Variants in ITPR2 observed in about 807,000 individuals in gnomAD.
The protein encoded by ITPR2 is inositol 1,4,5-trisphosphate-gated calcium channel ITPR2.
In ITPR2, 207 loss-of-function variants were observed where a neutral mutation model predicts 317.1. That is an observed-to-expected ratio of 0.65 (90% CI 0.58 to 0.73). The LOEUF is 0.73. Ranked by LOEUF, ITPR2 falls within the 30% of genes least tolerant of loss-of-function variation. The probability of loss-of-function intolerance (pLI) is 0.00; values close to 1 mark genes in which losing one functional copy is unlikely to be tolerated. For synonymous variants in ITPR2, 1,156 were observed against 1,149.1 expected, an observed-to-expected ratio of 1.01 and a Z score of -0.12; for missense variants, 2,613 against 3,284.0, an observed-to-expected ratio of 0.80 and a Z score of 4.99.
intron 1 of ITPR2, among the ~76,000 whole-genome samples, chr12:26,826,086 A>G (rs1194592575): frequency 1.3e-5 from 2 of 152,172 alleles, no homozygotes; most frequent in African/African-American, 4.8e-5. Context: ...AGCTTCATGT[A>G]CAAACTCCCC....
At chr12:26,547,414 T>C (rs537099259) in intron 37 of ITPR2, among the ~76,000 whole-genome samples, 1 of 152,290 alleles carries the variant, frequency 6.6e-6, no homozygotes, top group Admixed American at 6.5e-5. Context: ...CAGACGTTGA[T>C]GAGGATGTGG....
intron 13 of ITPR2, among the ~76,000 whole-genome samples, chr12:26,678,359 G>C (rs980347700): frequency 6.6e-6 from 1 of 151,750 alleles, no homozygotes; most frequent in African/African-American, 2.4e-5. Flanking sequence ...CATAACACAG[G>C]AACTGTACTT....
intron 36 of ITPR2, among the ~76,000 whole-genome samples, chr12:26,555,211 G>A (rs1291336176): frequency 6.6e-6 from 1 of 152,172 alleles, no homozygotes; most frequent in Non-Finnish European, 1.5e-5. Flanking sequence ...AGCTTAAATG[G>A]TGAAAGAAAG....
intron 37 of ITPR2, among the ~76,000 whole-genome samples, chr12:26,521,042 A>G (rs1943648161): frequency 6.6e-6 from 1 of 152,214 alleles, no homozygotes; most frequent in Non-Finnish European, 1.5e-5. Context: ...AAAGTACATT[A>G]AAGACTCAGA....
At chr12:26,741,239 G>A (rs1477928110) in intron 2 of ITPR2, among the ~76,000 whole-genome samples, 1 of 152,258 alleles carries the variant, frequency 6.6e-6, no homozygotes, top group Non-Finnish European at 1.5e-5. Flanking sequence ...TCCAGGCCTG[G>A]GAGGGCCCAG....
At chr12:26,651,344 T>C (rs1258445496) in intron 21 of ITPR2, among the ~76,000 whole-genome samples, 1 of 151,174 alleles carries the variant, frequency 6.6e-6, no homozygotes, top group Non-Finnish European at 1.5e-5. Flanking sequence ...GTGTCACCTA[T>C]TTGATTTTCC....
chr12:26,362,628 G>A (rs886390487), intron 55 of ITPR2, among the ~76,000 whole-genome samples: 1 of 152,030 alleles, frequency 6.6e-6, no homozygotes, highest in African/African-American at 2.4e-5. Flanking sequence ...AGTACTGCTG[G>A]GACTCCTTTA....
chr12:26,667,248 A>G (rs1368168978), intron 13 of ITPR2, among the ~76,000 whole-genome samples: 1 of 152,230 alleles, frequency 6.6e-6, no homozygotes, highest in Admixed American at 6.5e-5. Flanking sequence ...TTTGGTAAGA[A>G]AACATCCTGA....
chr12:26,719,357 A>G (rs561065119), intron 5 of ITPR2, among the ~76,000 whole-genome samples: 1 of 152,342 alleles, frequency 6.6e-6, no homozygotes, highest in South Asian at 2.1e-4. Flanking sequence ...GCCACATCCT[A>G]GGATAAGCCA....
intron 35 of ITPR2, among the ~76,000 whole-genome samples, chr12:26,560,912 C>G (rs1282886624): frequency 1.3e-5 from 2 of 152,112 alleles, no homozygotes; most frequent in Non-Finnish European, 2.9e-5. Flanking sequence ...CAACTCCATG[C>G]AATATTCTAC....
intron 24 of ITPR2, 105 bp downstream of exon 24, chr12:26,624,194 G>T: frequency 2.6e-6 from 2 of 755,042 alleles, no homozygotes; most frequent in East Asian, 2.8e-5. Context: ...ACAATAGAGG[G>T]TCTAAAAATA....
At chr12:26,479,830 T>C (rs1942505683) in intron 43 of ITPR2, among the ~76,000 whole-genome samples, 1 of 152,130 alleles carries the variant, frequency 6.6e-6, no homozygotes, top group Non-Finnish European at 1.5e-5. Context: ...TCCCAGCTTA[T>C]CAGGAGGCAG....
chr12:26,694,540 A>G (rs1269764248), intron 10 of ITPR2, among the ~76,000 whole-genome samples: 1 of 152,180 alleles, frequency 6.6e-6, no homozygotes, highest in Non-Finnish European at 1.5e-5. Context: ...TTCTCACTGC[A>G]TAAGTAATAA....
At chr12:26,763,607 G>T (rs1328876684) in intron 2 of ITPR2, among the ~76,000 whole-genome samples, 1 of 152,112 alleles carries the variant, frequency 6.6e-6, no homozygotes, top group Non-Finnish European at 1.5e-5. Context: ...AGAGGCACTT[G>T]TGTAATTTTT....
At chr12:26,442,620 G>A (rs1941512150) in intron 46 of ITPR2, among the ~76,000 whole-genome samples, 2 of 152,086 alleles carry the variant, frequency 1.3e-5, no homozygotes, top group African/African-American at 4.8e-5. Context: ...GTATAGAAAT[G>A]TTTTTGCTGC....
At chr12:26,443,262 C>T (rs922774579) in intron 46 of ITPR2, among the ~76,000 whole-genome samples, 1 of 152,102 alleles carries the variant, frequency 6.6e-6, no homozygotes, top group Non-Finnish European at 1.5e-5. Context: ...CTCTCAAACG[C>T]TATTGCTCTG....
chr12:26,794,789 A>G (rs966850639), intron 1 of ITPR2, among the ~76,000 whole-genome samples: 1 of 152,240 alleles, frequency 6.6e-6, no homozygotes, highest in Non-Finnish European at 1.5e-5. Flanking sequence ...AGAGAGATCA[A>G]ATGATATGGT....
intron 29 of ITPR2, 61 bp from the exon 30 acceptor site, chr12:26,599,406 CT>C: frequency 7.0e-7 from 1 of 1,423,234 alleles, no homozygotes; most frequent in Non-Finnish European, 9.9e-7. Flanking sequence ...TTCTACAGTA[CT>C]TAGACTAATT....
At chr12:26,378,303 G>A (rs1280754970) in intron 55 of ITPR2, among the ~76,000 whole-genome samples, 2 of 151,700 alleles carry the variant, frequency 1.3e-5, no homozygotes, top group Non-Finnish European at 2.9e-5. Context: ...GACCATGACT[G>A]CAAAGAGCCA....
Sources: gnomAD v4.1 joint callset for allele counts (sites outside exome capture counted in the v4.1 genomes callset) on GRCh38, gnomAD v4.1.1 for gene constraint, MANE v1.5 for transcripts, NCBI Gene and HGNC (gene_info 2026-07-23, HGNC 2026-07-21) for gene names.